OSBPL9: variants seen among roughly 807,000 people sequenced by gnomAD.
The protein encoded by OSBPL9 is oxysterol binding protein like 9, also known as oxysterol-binding protein-related protein 9.
OSBPL9 carries 40 observed loss-of-function variants against 106.6 expected under a neutral mutation model. The observed-to-expected ratio is 0.38, with a 90% CI of 0.29 to 0.49. The LOEUF (loss-of-function observed/expected upper bound fraction) is 0.49, where lower values mean the gene tolerates loss of function less well. OSBPL9 is among the 20% of genes least tolerant of loss of function. The probability of loss-of-function intolerance (pLI) is 0.97; values close to 1 mark genes in which losing one functional copy is unlikely to be tolerated. For synonymous variants in OSBPL9, 269 were observed against 295.4 expected, an observed-to-expected ratio of 0.91 and a Z score of 0.92; for missense variants, 609 against 887.2, an observed-to-expected ratio of 0.69 and a Z score of 3.98.
chr1:51,654,305 G>A (rs1646693500), intron 2 of OSBPL9, among the ~76,000 whole-genome samples: 1 of 152,170 alleles, frequency 6.6e-6, no homozygotes, highest in Admixed American at 6.5e-5. Context: ...CTCACTGAGG[G>A]TTGCAAAATA....
intron 3 of OSBPL9, chr1:51,707,194 C>A: frequency 2.6e-6 from 1 of 391,192 alleles, no homozygotes; most frequent in South Asian, 2.0e-5. Flanking sequence ...TAGCCAGATT[C>A]ATTTTCATTG....
chr1:51,629,404 A>G (rs1490164812), intron 1 of OSBPL9, among the ~76,000 whole-genome samples: 4 of 152,222 alleles, frequency 2.6e-5, no homozygotes, highest in African/African-American at 7.2e-5. Context: ...TCGCTTAACA[A>G]TGGGGCAGGA....
At chr1:51,746,560 A>G (rs891947951) in intron 5 of OSBPL9, 150 bp from the exon 6 acceptor site, 2 of 560,222 alleles carry the variant, frequency 3.6e-6, no homozygotes, top group Non-Finnish European at 6.2e-6. Context: ...TGAGTGCTCG[A>G]AAAAAAATAC....
intron 9 of OSBPL9, among the ~76,000 whole-genome samples, chr1:51,759,141 TG>T (rs1670974458): frequency 2.0e-5 from 3 of 151,920 alleles, no homozygotes; most frequent in African/African-American, 7.2e-5. Context: ...CTGATTGTTT[TG>T]GGGGTGTTTT....
chr1:51,664,782 G>A (rs900796178), intron 2 of OSBPL9, among the ~76,000 whole-genome samples: 2 of 152,120 alleles, frequency 1.3e-5, no homozygotes, highest in Non-Finnish European at 2.9e-5. Context: ...TGGAATGGAG[G>A]GTTGGGTTAA....
chr1:51,751,599 T>C (rs1669249617), intron 8 of OSBPL9, among the ~76,000 whole-genome samples: 1 of 152,196 alleles, frequency 6.6e-6, no homozygotes, highest in African/African-American at 2.4e-5. Context: ...CCTATAGTTA[T>C]CCAAAAGCTT....
At chr1:51,549,346 A>G in the OSBPL9 span, among the ~76,000 whole-genome samples, 3 of 152,144 alleles carry the variant, frequency 2.0e-5, no homozygotes, top group Non-Finnish European at 4.4e-5. Context: ...TCCTTCATGA[A>G]GTCTTTTCTC....
At chr1:51,585,618 A>G (rs1313989492) in intron 1 of OSBPL9, among the ~76,000 whole-genome samples, 1 of 152,084 alleles carries the variant, frequency 6.6e-6, no homozygotes, top group Non-Finnish European at 1.5e-5. Flanking sequence ...TCTACTAAAA[A>G]TACAAAAATT....
At chr1:51,721,350 C>T (rs1662094715) in intron 4 of OSBPL9, among the ~76,000 whole-genome samples, 2 of 151,892 alleles carry the variant, frequency 1.3e-5, no homozygotes, top group Admixed American at 1.3e-4. Flanking sequence ...TAGGGTGGTC[C>T]AATTACTTTT....
At chr1:51,713,451 G>A (rs558824380) in intron 3 of OSBPL9, among the ~76,000 whole-genome samples, 1 of 151,398 alleles carries the variant, frequency 6.6e-6, no homozygotes, top group African/African-American at 2.4e-5. Context: ...CACCCAGCCA[G>A]TTTTTTTTTG....
intron 4 of OSBPL9, among the ~76,000 whole-genome samples, chr1:51,722,533 T>C (rs981378004): frequency 6.6e-6 from 1 of 152,220 alleles, no homozygotes; most frequent in East Asian, 1.9e-4. Flanking sequence ...TTTTATTTAT[T>C]CAACAGACAT....
At chr1:51,635,405 C>T (rs1035538340) in intron 1 of OSBPL9, among the ~76,000 whole-genome samples, 7 of 152,180 alleles carry the variant, frequency 4.6e-5, no homozygotes, top group African/African-American at 1.7e-4. Flanking sequence ...CTCGCTGTTA[C>T]TCCACTAATG....
chr1:51,598,678 T>G (rs1157201472), intron 2 of OSBPL9, among the ~76,000 whole-genome samples: 2 of 152,122 alleles, frequency 1.3e-5, no homozygotes, highest in East Asian at 3.9e-4. Context: ...CTCTAGGCAC[T>G]AGTTGGGTGC....
At chr1:51,556,909 G>A in the OSBPL9 span, among the ~76,000 whole-genome samples, 1 of 148,086 alleles carries the variant, frequency 6.8e-6, no homozygotes, top group East Asian at 1.9e-4. Context: ...CACAAAAGAT[G>A]GCTATAGACA....
At chr1:51,755,715 C>T (rs1450266133) in intron 8 of OSBPL9, among the ~76,000 whole-genome samples, 3 of 152,176 alleles carry the variant, frequency 2.0e-5, no homozygotes, top group African/African-American at 7.2e-5. Flanking sequence ...TTAGGATAAG[C>T]TATGCTGTTT....
chr1:51,656,833 T>A (rs7415238), intron 2 of OSBPL9, among the ~76,000 whole-genome samples: 5 of 108,476 alleles, frequency 4.6e-5, no homozygotes, highest in Non-Finnish European at 8.2e-5. Context: ...CTAATTAAAA[T>A]TTTTTTTTTT....
chr1:51,783,249 T>A (rs933202197), intron 17 of OSBPL9, among the ~76,000 whole-genome samples: 1 of 152,046 alleles, frequency 6.6e-6, no homozygotes, highest in African/African-American at 2.4e-5. Flanking sequence ...GGCACAATCA[T>A]AGCTCACTGC....
At chr1:51,633,358 C>T (rs1645223639) in intron 1 of OSBPL9, among the ~76,000 whole-genome samples, 1 of 151,274 alleles carries the variant, frequency 6.6e-6, no homozygotes, top group Non-Finnish European at 1.5e-5. Context: ...TTGCTTGAGC[C>T]CAGGTGTTCA....
intron 3 of OSBPL9, among the ~76,000 whole-genome samples, chr1:51,673,834 C>T (rs1650509654): frequency 6.6e-6 from 1 of 151,656 alleles, no homozygotes. Flanking sequence ...ACACCTGGTG[C>T]ATAGCCACTG....
Sources: allele counts gnomAD v4.1 joint callset (sites outside exome capture counted in the v4.1 genomes callset), GRCh38; gene constraint gnomAD v4.1.1; transcripts MANE v1.5; gene names NCBI Gene and HGNC (gene_info 2026-07-23, HGNC 2026-07-21).